The following PXDNL variants were observed in gnomAD, a reference collection of about 807,000 sequenced individuals.
PXDNL encodes the protein probable oxidoreductase PXDNL.
In PXDNL, 145 loss-of-function variants were observed where a neutral mutation model predicts 150.8. The observed-to-expected ratio is 0.96, with a 90% CI of 0.84 to 1.10. The LOEUF (loss-of-function observed/expected upper bound fraction) is 1.10. PXDNL is among the 50% of genes least tolerant of loss of function. The pLI is 0.00. For missense variants in PXDNL, 2,087 were observed against 1,873.9 expected (o/e 1.11, Z -2.10); for synonymous variants, 757 against 725.7 (o/e 1.04, Z -0.69).
intron 2 of PXDNL, among the ~76,000 whole-genome samples, chr8:51,627,023 T>C (rs932055601): frequency 1.3e-5 from 2 of 152,222 alleles, no homozygotes; most frequent in African/African-American, 4.8e-5. Context: ...CAAGAGCACA[T>C]TTAATAAGTT....
intron 1 of PXDNL, among the ~76,000 whole-genome samples, chr8:51,796,821 T>G (rs1436386343): frequency 6.6e-6 from 1 of 152,218 alleles, no homozygotes; most frequent in Admixed American, 6.5e-5. Flanking sequence ...CTAACTCATT[T>G]TATGAAGCCA....
chr8:51,733,300 C>T (rs1207100653), intron 1 of PXDNL, among the ~76,000 whole-genome samples: 1 of 152,206 alleles, frequency 6.6e-6, no homozygotes, highest in African/African-American at 2.4e-5. Flanking sequence ...TTCTATGAAG[C>T]AGTTTAAGGC....
At chr8:51,663,676 T>C (rs1815323174) in intron 1 of PXDNL, among the ~76,000 whole-genome samples, 1 of 152,110 alleles carries the variant, frequency 6.6e-6, no homozygotes, top group Non-Finnish European at 1.5e-5. Context: ...GAAAGTCCCT[T>C]CCAGATTTCT....
At chr8:51,720,738 C>T (rs186345954) in intron 1 of PXDNL, among the ~76,000 whole-genome samples, 22 of 152,334 alleles carry the variant, frequency 1.4e-4, no homozygotes, top group African/African-American at 5.1e-4. Context: ...GACACCAACA[C>T]CATCACCTTT....
At chr8:51,658,435 T>G (rs1410937721) in intron 1 of PXDNL, among the ~76,000 whole-genome samples, 1 of 150,752 alleles carries the variant, frequency 6.6e-6, no homozygotes, top group African/African-American at 2.4e-5. Flanking sequence ...CGACTTAAAC[T>G]CCAATAAGTC....
Position 51,408,777 on chromosome 8 carries a change from C to G in PXDNL, c.2847G>C (p.Gln949His). The G allele has an allele frequency of 6.3e-7, 1 of 1,580,514 alleles. No individual in the cohort carries two copies. Among genetic ancestry groups the G allele is most frequent in the Non-Finnish European group, 8.6e-7 (1 of 1,163,892 alleles). Residue 949 changes from glutamine (Q) to histidine (H), a missense_variant, in exon 17 of 23, where the codon CAG (glutamine) becomes CAC (histidine). By Grantham distance (24) the Gln-to-His change is conservative. Transcript: ENST00000356297. ...GPPTECARQE[Q>H]ESPCFLAGDH... Reference sequence around the variant, plus strand: ...CCCCGGCCAGGAAACAGGGGCTCTCCTGCTCCTGTCGCGCGCACTCGGTGG... The same window carrying G: ...CCCCGGCCAGGAAACAGGGGCTCTCGTGCTCCTGTCGCGCGCACTCGGTGG...
At chr8:51,470,841 G>A (rs1319305353) in intron 8 of PXDNL, among the ~76,000 whole-genome samples, 1 of 152,054 alleles carries the variant, frequency 6.6e-6, no homozygotes, top group Admixed American at 6.6e-5. Flanking sequence ...AACTCGAGAT[G>A]GATTGAAGAC....
At chr8:51,801,547 C>A (rs1428610168) in intron 1 of PXDNL, among the ~76,000 whole-genome samples, 1 of 152,084 alleles carries the variant, frequency 6.6e-6, no homozygotes, top group Admixed American at 6.5e-5. Context: ...TGTGATGTCA[C>A]CCCCGGAGGC....
At chr8:51,380,562 C>T (rs550153297) in intron 17 of PXDNL, among the ~76,000 whole-genome samples, 1 of 152,274 alleles carries the variant, frequency 6.6e-6, no homozygotes, top group African/African-American at 2.4e-5. Context: ...TTTGGAAGAG[C>T]AATTTTTCTT....
At chr8:51,599,427 T>C (rs1219749328) in intron 2 of PXDNL, among the ~76,000 whole-genome samples, 1 of 151,632 alleles carries the variant, frequency 6.6e-6, no homozygotes, top group Admixed American at 6.6e-5. Flanking sequence ...TGTATCTGTT[T>C]TTATTTATTT....
chr8:51,559,389 T>A (rs529209515), intron 3 of PXDNL, among the ~76,000 whole-genome samples: 31 of 140,978 alleles, frequency 2.2e-4, no homozygotes. Context: ...ATAGGGACAG[T>A]TTCATTAACA....
chr8:51,332,194 G>C (rs191311979), intron 21 of PXDNL, among the ~76,000 whole-genome samples: 42 of 152,258 alleles, frequency 2.8e-4, no homozygotes, highest in African/African-American at 7.0e-4. Context: ...GAGCTGTGTA[G>C]ACTCGCTGGA....
chr8:51,792,592 G>T (rs577414196), intron 1 of PXDNL, among the ~76,000 whole-genome samples: 2 of 152,322 alleles, frequency 1.3e-5, no homozygotes, highest in East Asian at 3.9e-4. Flanking sequence ...GAACTCCCAG[G>T]GCAGGGGTGG....
chr8:51,569,407 C>T (rs1285250282), intron 3 of PXDNL, among the ~76,000 whole-genome samples: 1 of 151,916 alleles, frequency 6.6e-6, no homozygotes, highest in Non-Finnish European at 1.5e-5. Context: ...GATTAGGGTG[C>T]TGATAACTAA....
chr8:51,403,671 C>T (rs1368141570), intron 17 of PXDNL, among the ~76,000 whole-genome samples: 5 of 152,234 alleles, frequency 3.3e-5, no homozygotes, highest in African/African-American at 1.2e-4. Context: ...AGGTCTTTCA[C>T]AGACAGCTGC....
chr8:51,384,518 T>A (rs1807642945), intron 17 of PXDNL, among the ~76,000 whole-genome samples: 2 of 151,368 alleles, frequency 1.3e-5, no homozygotes, highest in South Asian at 2.1e-4. Flanking sequence ...TCCTCAAAAA[T>A]CTTAAGGACA....
chr8:51,591,694 C>T (rs532767866), intron 3 of PXDNL, among the ~76,000 whole-genome samples: 2 of 152,118 alleles, frequency 1.3e-5, no homozygotes, highest in East Asian at 1.9e-4. Context: ...TCTCGGCTCA[C>T]TGCAAGCTCC....
At chr8:51,777,202 C>A (rs996258492) in intron 1 of PXDNL, among the ~76,000 whole-genome samples, 1 of 152,212 alleles carries the variant, frequency 6.6e-6, no homozygotes, top group Non-Finnish European at 1.5e-5. Flanking sequence ...GAGTTCCAAT[C>A]TTCCAACATT....
At chr8:51,792,282 A>G (rs1281265279) in intron 1 of PXDNL, among the ~76,000 whole-genome samples, 1 of 152,100 alleles carries the variant, frequency 6.6e-6, no homozygotes, top group Non-Finnish European at 1.5e-5. Flanking sequence ...CACGGACAGC[A>G]AGGAAAAGAA....
Sources: gnomAD v4.1 joint callset for allele counts (sites outside exome capture counted in the v4.1 genomes callset) on GRCh38, gnomAD v4.1.1 for gene constraint, MANE v1.5 for transcripts, NCBI Gene and HGNC (gene_info 2026-07-23, HGNC 2026-07-21) for gene names.